FEM1C: variants seen among roughly 807,000 people sequenced by gnomAD.
The protein encoded by FEM1C is protein fem-1 homolog C.
Under a neutral mutation model 37.6 loss-of-function variants are expected in FEM1C, and 15 were observed. That is an observed-to-expected ratio of 0.40 (90% CI 0.27 to 0.61). The LOEUF is 0.61. Among genes scored for constraint, FEM1C ranks in the 20% least tolerant of loss-of-function variants. FEM1C has a pLI of 0.42. For missense variants in FEM1C, 532 were observed against 749.7 expected (o/e 0.71, Z 3.39); for synonymous variants, 287 against 272.8 (o/e 1.05, Z -0.51).
rs1259170355 is a variant in FEM1C, at chr5:115,543,188, C to T, written c.306G>A (p.Leu102=). The stretch of plus-strand genomic sequence containing the variant: ...TGTTGACAGATGCTCCATGATTTAA[C>T]AAGGACTGGACCACCTTCAGATGTC... ...AAGHLKVVQS[L]LNHGASVNNT... The change falls in exon 2 of 3, where the codon TTG becomes TTA. Residue 102 remains leucine (L), a synonymous_variant. Coordinates refer to ENST00000274457, the MANE Select transcript of FEM1C (RefSeq NM_020177.3). 6 of 1,614,212 alleles carry T rather than the reference C, an allele frequency of 3.7e-6. No individual in the cohort carries two copies. Among genetic ancestry groups the T allele is most frequent in the Non-Finnish European group, 5.1e-6 (6 of 1,180,042 alleles).
At chr5:115,535,136 A>C (rs1381180580) in intron 2 of FEM1C, among the ~76,000 whole-genome samples, 1 of 151,926 alleles carries the variant, frequency 6.6e-6, no homozygotes, top group Non-Finnish European at 1.5e-5. Flanking sequence ...CTGCATAGTA[A>C]ATGGCATAGT....
rs1304862837 is a variant in FEM1C at position 115,543,379 on chromosome 5, T to G, written c.115A>C (p.Thr39Pro). The G allele has an allele frequency of 1.2e-6, 2 of 1,614,114 alleles. No homozygotes were observed. The highest frequency in any genetic ancestry group is 2.2e-5 in the East Asian group (1 of 44,878). The change falls in exon 2 of 3, where the codon ACA becomes CCA. Residue 39 changes from threonine to proline, a missense_variant. Around this residue, in one of 3 missense-constraint regions of FEM1C, gnomAD observed 74 missense variants for 85.0 expected, o/e 0.87. Transcript: ENST00000274457. ...EEVSSLISEK[T>P]NGATPLLMAA... is the part of the protein sequence containing the mutation. ...ATCAAGAGTGGCGTGGCCCCATTTGTTTTTTCAGAGATCAAGGAGGAAACC... is the reference window on the plus strand; with the variant it reads ...ATCAAGAGTGGCGTGGCCCCATTTGGTTTTTCAGAGATCAAGGAGGAAACC...
intron 2 of FEM1C, among the ~76,000 whole-genome samples, chr5:115,540,388 G>A (rs779431394): frequency 2.6e-5 from 4 of 152,070 alleles, no homozygotes; most frequent in Admixed American, 1.3e-4. Context: ...ATATGCATGT[G>A]TATGGGTATA....
chr5:115,540,611 G>T (rs1754220661), intron 2 of FEM1C, among the ~76,000 whole-genome samples: 1 of 151,960 alleles, frequency 6.6e-6, no homozygotes, highest in Non-Finnish European at 1.5e-5. Flanking sequence ...AGAGCTCAAA[G>T]GTAATCAAGT....
intron 2 of FEM1C, among the ~76,000 whole-genome samples, chr5:115,540,482 G>C (rs1754217418): frequency 6.6e-6 from 1 of 151,996 alleles, no homozygotes; most frequent in South Asian, 2.1e-4. Context: ...ATACATATTA[G>C]ATACTGATAC....
intron 1 of FEM1C, 135 bp from the exon 2 acceptor site, chr5:115,543,818 C>T: frequency 9.4e-7 from 1 of 1,066,034 alleles, no homozygotes; most frequent in African/African-American, 1.7e-5. Flanking sequence ...CACACCCCCC[C>T]CACCCCCAAA....
In FEM1C at chr5:115,524,255, G is replaced by T; in HGVS notation, c.*53C>A. On this transcript the variant is annotated 3_prime_UTR_variant, in exon 3 of 3. Coordinates refer to ENST00000274457, the MANE Select transcript of FEM1C (RefSeq NM_020177.3). ...TGTTATCACAACAGTGCTCATTTAT[G>T]AAACAACTGTTACCAATTCGTGCTT... 3 of 1,455,662 alleles carry T rather than the reference G, an allele frequency of 2.1e-6. No homozygotes were observed. The highest frequency in any genetic ancestry group is 3.5e-5 in the Admixed American group (2 of 57,886). The allele number at this position is 1,455,662 out of a possible 1,614,324, so 90.2% of individuals were successfully genotyped here.
intron 2 of FEM1C, among the ~76,000 whole-genome samples, chr5:115,540,354 T>C (rs539950128): frequency 1.3e-5 from 2 of 152,208 alleles, no homozygotes; most frequent in African/African-American, 4.8e-5. Context: ...AGGTAAAAAT[T>C]CTGCACATGA....
chr5:115,541,256 C>G (rs1045933346), intron 2 of FEM1C, among the ~76,000 whole-genome samples: 1 of 151,968 alleles, frequency 6.6e-6, no homozygotes, highest in African/African-American at 2.4e-5. Flanking sequence ...ATACATATAT[C>G]AGTATGCAAA....
rs1753810515 is a variant in FEM1C at position 115,523,167 on chromosome 5, G to A, written c.*1141C>T. On this transcript the variant is annotated 3_prime_UTR_variant, in exon 3 of 3. Coordinates refer to ENST00000274457, the MANE Select transcript of FEM1C (RefSeq NM_020177.3). ...TGAAGAAAGAAAGAACACTGTTACTGACCTTTGATATTATGGCAGTAAATT... is the reference window on the plus strand; with the variant it reads ...TGAAGAAAGAAAGAACACTGTTACTAACCTTTGATATTATGGCAGTAAATT... 6.6e-6 allele frequency: 1 copy of A among 152,388 alleles called. No individual in the cohort carries two copies. Among genetic ancestry groups the A allele is most frequent in the Non-Finnish European group, 1.5e-5 (1 of 67,934 alleles). 9.4% of individuals were successfully genotyped at this position (152,388 alleles called of 1,614,324 possible). A position where few individuals can be genotyped will look rare whatever the true frequency, so the allele number is the denominator to read the frequency against.
At chr5:115,537,616 A>C (rs1406647585) in intron 2 of FEM1C, among the ~76,000 whole-genome samples, 1 of 152,112 alleles carries the variant, frequency 6.6e-6, no homozygotes, top group Non-Finnish European at 1.5e-5. Flanking sequence ...ATGAACACAG[A>C]GCAACTTACA....
intron 2 of FEM1C, among the ~76,000 whole-genome samples, chr5:115,530,732 T>C (rs1753997887): frequency 1.3e-5 from 2 of 152,108 alleles, no homozygotes; most frequent in Non-Finnish European, 2.9e-5. Context: ...TAGAAAAACC[T>C]GTCTATTTGA....
At chr5:115,539,010 A>AAC (rs1754186442) in intron 2 of FEM1C, among the ~76,000 whole-genome samples, 1 of 152,020 alleles carries the variant, frequency 6.6e-6, no homozygotes, top group Admixed American at 6.6e-5. Flanking sequence ...TGCTTATACT[A>AAC]TTCCTTCAGA....
chr5:115,543,297 G>A lies in FEM1C; in HGVS notation c.197C>T (p.Ala66Val), dbSNP rs1297558449. 6.2e-7 allele frequency: 1 copy of A among 1,614,098 alleles called. No individual in the cohort carries two copies. Among genetic ancestry groups the A allele is most frequent in the Non-Finnish European group, 8.5e-7 (1 of 1,180,042 alleles). Reference protein sequence around the residue: ...MVEFLLEQCSASIEVGGSVNF... With the variant: ...MVEFLLEQCSVSIEVGGSVNF... Reference sequence around the variant, plus strand: ...GACGGAGCCCCCAACTTCTATGGAGGCACTGCATTGCTCTAGGAGGAATTC... The same window carrying A: ...GACGGAGCCCCCAACTTCTATGGAGACACTGCATTGCTCTAGGAGGAATTC... Residue 66 changes from alanine to valine, a missense_variant, in exon 2 of 3, where the codon GCC (alanine) becomes GTC (valine). Around this residue, in one of 3 missense-constraint regions of FEM1C, gnomAD observed 74 missense variants for 85.0 expected, o/e 0.87. Coordinates refer to ENST00000274457, the MANE Select transcript of FEM1C (RefSeq NM_020177.3).
At chr5:115,543,901 A>G (rs773550467) in intron 1 of FEM1C, 1,535 of 984,802 alleles carry the variant, frequency 1.6e-3, no homozygotes, top group Non-Finnish European at 1.7e-3. Context: ...AGTCTCCTCC[A>G]TGTGCGGAAA....
intron 2 of FEM1C, among the ~76,000 whole-genome samples, chr5:115,533,416 T>C (rs1476596031): frequency 6.6e-6 from 1 of 152,056 alleles, no homozygotes; most frequent in African/African-American, 2.4e-5. Context: ...CTATAAGTAT[T>C]AAATGTAATT....
intron 2 of FEM1C, among the ~76,000 whole-genome samples, chr5:115,536,643 C>G (rs1754134353): frequency 6.6e-6 from 1 of 151,702 alleles, no homozygotes; most frequent in Admixed American, 6.6e-5. Flanking sequence ...TTTCCCTTCC[C>G]CATGTGTAGT....
intron 2 of FEM1C, among the ~76,000 whole-genome samples, chr5:115,538,521 A>T (rs2127174156): frequency 6.6e-6 from 1 of 152,124 alleles, no homozygotes; most frequent in South Asian, 2.1e-4. Context: ...TGGGGTAAAA[A>T]CACTAGGTCT....
chr5:115,538,899 C>T (rs1580384732), intron 2 of FEM1C, among the ~76,000 whole-genome samples: 1 of 151,966 alleles, frequency 6.6e-6, no homozygotes, highest in Admixed American at 6.6e-5. Context: ...CCAACCTGTC[C>T]ATAGATCTAA....
Sources: gnomAD v4.1 joint callset for allele counts (sites outside exome capture counted in the v4.1 genomes callset) on GRCh38, gnomAD v4.1.1 for gene constraint, gnomAD v4.1.1 regional missense constraint, MANE v1.5 for transcripts, NCBI Gene and HGNC (gene_info 2026-07-23, HGNC 2026-07-21) for gene names.